Variants in THEMIS observed in about 807,000 individuals in gnomAD.
THEMIS encodes thymocyte selection associated.
In THEMIS, 37 loss-of-function variants were observed where a neutral mutation model predicts 52.6. That is an observed-to-expected ratio of 0.70 (90% CI 0.54 to 0.93). The LOEUF is 0.93. Ranked by LOEUF, THEMIS falls within the 40% of genes least tolerant of loss-of-function variation. THEMIS has a pLI of 0.00. For synonymous variants in THEMIS, 292 were observed against 272.7 expected (o/e 1.07, Z -0.70); for missense variants, 808 against 763.1 (o/e 1.06, Z -0.69).
intron 2 of THEMIS, among the ~76,000 whole-genome samples, chr6:127,847,914 AT>A (rs1279110022): frequency 6.7e-6 from 1 of 149,220 alleles, no homozygotes; most frequent in African/African-American, 2.5e-5. Context: ...TATTATTATT[AT>A]TATCATTATT....
intron 4 of THEMIS, among the ~76,000 whole-genome samples, chr6:127,798,313 GA>G (rs1777400467): frequency 6.6e-6 from 1 of 152,022 alleles, no homozygotes; most frequent in African/African-American, 2.4e-5. Flanking sequence ...AAAAATAAAA[GA>G]TCACTGAAAA....
At chr6:127,746,382 A>G (rs1425782693) in intron 4 of THEMIS, among the ~76,000 whole-genome samples, 2 of 151,716 alleles carry the variant, frequency 1.3e-5, no homozygotes, top group Non-Finnish European at 2.9e-5. Context: ...AATCTGCCAC[A>G]CAGACACTGC....
At chr6:127,726,798 C>T (rs486235) in intron 4 of THEMIS, among the ~76,000 whole-genome samples, 45,896 of 152,074 alleles carry the variant, frequency 0.3, 8,896 homozygotes, top group Non-Finnish European at 0.44. Flanking sequence ...TGGAGAACCT[C>T]TTCACATACT....
intron 4 of THEMIS, among the ~76,000 whole-genome samples, chr6:127,751,783 A>G (rs1048302003): frequency 2.6e-5 from 4 of 151,672 alleles, no homozygotes; most frequent in African/African-American, 9.7e-5. Flanking sequence ...TCAACAATGG[A>G]TTTATTATCC....
Position 127,753,280 on chromosome 6 carries a change from A to G in THEMIS, c.1759-33457T>C, listed in dbSNP as rs367546614. Among the ~76,000 whole-genome samples the G allele has an allele frequency of 2.0e-4, 31 of 152,160 alleles. 2 individuals are homozygous for G. The East Asian group carries it at 3.7e-3, about 18-fold the overall frequency. On this transcript the variant is annotated intron_variant, in intron 4 of 5. Transcript: ENST00000368248. ...GGGACTGTAAAGACTCCATTAAAAC[A>G]CTGTTAGAACTAGTAAATAAATTCA... is the stretch of plus-strand genomic sequence containing the variant.
rs1377258570 is a variant in THEMIS at position 127,747,333 on chromosome 6, A to C, written c.1759-27510T>G. On this transcript the variant is annotated intron_variant, in intron 4 of 5. Coordinates refer to ENST00000368248, the MANE Select transcript of THEMIS (RefSeq NM_001010923.3). ...TAATTATAAATATCTATATCTATAT[A>C]ATATATAGATACAATTATAGATATA... 2.1e-5 allele frequency among the ~76,000 whole-genome samples: 3 copies of C among 144,254 alleles called. No homozygotes were observed. In the East Asian group the frequency reaches 6.1e-4, roughly 29 times the overall value. 94.6% of individuals were successfully genotyped at this position (144,254 alleles called of 152,430 possible). A position where few individuals can be genotyped will look rare whatever the true frequency, so the allele number is the denominator to read the frequency against.
intron 4 of THEMIS, among the ~76,000 whole-genome samples, chr6:127,761,841 T>C (rs922036770): frequency 2.0e-5 from 3 of 152,100 alleles, no homozygotes; most frequent in African/African-American, 4.8e-5. Flanking sequence ...GAAAACAGTA[T>C]GGAGACTCTC....
At chr6:127,837,914 T>C (rs1778924994) in intron 2 of THEMIS, among the ~76,000 whole-genome samples, 1 of 152,098 alleles carries the variant, frequency 6.6e-6, no homozygotes, top group South Asian at 2.1e-4. Context: ...GTAAGGAATG[T>C]ATCATGATTT....
At chr6:127,868,050 T>C (rs1780038114) in intron 1 of THEMIS, among the ~76,000 whole-genome samples, 5 of 152,112 alleles carry the variant, frequency 3.3e-5, no homozygotes, top group Admixed American at 3.3e-4. Context: ...TTTAATAGAT[T>C]TGTGACCTCA....
At chr6:127,729,802 G>A (rs1242326066) in intron 4 of THEMIS, among the ~76,000 whole-genome samples, 1 of 152,118 alleles carries the variant, frequency 6.6e-6, no homozygotes, top group Non-Finnish European at 1.5e-5. Flanking sequence ...AGTTTTCATG[G>A]CTGTCACCAC....
chr6:127,844,217 T>G (rs1348947898), intron 2 of THEMIS, among the ~76,000 whole-genome samples: 2 of 152,020 alleles, frequency 1.3e-5, no homozygotes, highest in African/African-American at 4.8e-5. Flanking sequence ...TTGGTGATTC[T>G]GTTTTCTCAT....
intron 4 of THEMIS, among the ~76,000 whole-genome samples, chr6:127,789,670 A>T (rs915187279): frequency 6.6e-6 from 1 of 152,224 alleles, no homozygotes; most frequent in East Asian, 1.9e-4. Flanking sequence ...CAAAAAGCTT[A>T]TCCACCACCA....
intron 2 of THEMIS, among the ~76,000 whole-genome samples, chr6:127,835,673 ATTC>A (rs1778851414): frequency 6.6e-6 from 1 of 152,144 alleles, no homozygotes; most frequent in African/African-American, 2.4e-5. Flanking sequence ...CAAATTAGAT[ATTC>A]TAGCCTGGAT....
At chr6:127,742,729 G>C (rs887181319) in intron 4 of THEMIS, among the ~76,000 whole-genome samples, 8 of 152,036 alleles carry the variant, frequency 5.3e-5, no homozygotes, top group Admixed American at 3.9e-4. Flanking sequence ...CAAATTCATA[G>C]AGATGGAAAG....
At chr6:127,838,015 C>T (rs551752145) in intron 2 of THEMIS, among the ~76,000 whole-genome samples, 25 of 152,074 alleles carry the variant, frequency 1.6e-4, no homozygotes, top group Non-Finnish European at 3.2e-4. Flanking sequence ...GGAGTTGATT[C>T]GACAAGTGGA....
chr6:127,742,865 A>G (rs1775257366), intron 4 of THEMIS, among the ~76,000 whole-genome samples: 2 of 152,180 alleles, frequency 1.3e-5, no homozygotes, highest in Admixed American at 1.3e-4. Flanking sequence ...TGGTTCCATA[A>G]CAATGTGAAT....
intron 4 of THEMIS, among the ~76,000 whole-genome samples, chr6:127,769,663 G>GT (rs1776313468): frequency 6.6e-6 from 1 of 151,942 alleles, no homozygotes; most frequent in Non-Finnish European, 1.5e-5. Flanking sequence ...AAATTCTAGG[G>GT]TACATGTGCA....
chr6:127,829,997 T>A (rs1407722198), intron 2 of THEMIS, 63 bp from the exon 3 acceptor site: 1 of 1,258,302 alleles, frequency 7.9e-7, no homozygotes, highest in African/African-American at 1.5e-5. Context: ...CACAAGAAAA[T>A]CACAAGGAGA....
intron 4 of THEMIS, among the ~76,000 whole-genome samples, chr6:127,809,026 G>A (rs1009574225): frequency 2.0e-5 from 3 of 152,148 alleles, no homozygotes; most frequent in Admixed American, 1.3e-4. Flanking sequence ...AAATGATTTA[G>A]TAAAGTTAAT....
Sources: gnomAD v4.1 joint callset for allele counts (sites outside exome capture counted in the v4.1 genomes callset) on GRCh38, gnomAD v4.1.1 for gene constraint, MANE v1.5 for transcripts, NCBI Gene and HGNC (gene_info 2026-07-23, HGNC 2026-07-21) for gene names.